Variants in PCDH15 observed in about 807,000 individuals in gnomAD.
The protein encoded by PCDH15 is protocadherin related 15, also known as protocadherin-15.
PCDH15 carries 129 observed loss-of-function variants against 178.5 expected under a neutral mutation model. The observed-to-expected ratio is 0.72, with a 90% CI of 0.63 to 0.84. PCDH15 has a LOEUF of 0.84. PCDH15 is among the 40% of genes least tolerant of loss of function. The probability of loss-of-function intolerance (pLI) is 0.00; values close to 1 mark genes in which losing one functional copy is unlikely to be tolerated. For synonymous variants in PCDH15, 800 were observed against 732.0 expected, an observed-to-expected ratio of 1.09 and a Z score of -1.50; for missense variants, 2,230 against 2,099.9, an observed-to-expected ratio of 1.06 and a Z score of -1.21.
At chr10:54,429,666 C>G (rs9415326) in intron 3 of PCDH15, among the ~76,000 whole-genome samples, 7,576 of 151,990 alleles carry the variant, frequency 0.05, 644 homozygotes, top group African/African-American at 0.17. Context: ...TAAAAACCAA[C>G]GAAAGAGCAG....
chr10:55,097,099 T>C (rs1034857863), intron 2 of PCDH15, among the ~76,000 whole-genome samples: 8 of 152,052 alleles, frequency 5.3e-5, no homozygotes, highest in Non-Finnish European at 1.0e-4. Flanking sequence ...AAAAAAGTTG[T>C]CAACTAGTGT....
intron 2 of PCDH15, among the ~76,000 whole-genome samples, chr10:55,579,284 C>T (rs943279060): frequency 1.3e-5 from 2 of 152,074 alleles, no homozygotes; most frequent in African/African-American, 4.8e-5. Context: ...GTACTTTAGA[C>T]GTTTCAGTAG....
At chr10:53,830,121 G>A (rs2076931959) in intron 30 of PCDH15, among the ~76,000 whole-genome samples, 1 of 152,032 alleles carries the variant, frequency 6.6e-6, no homozygotes. Flanking sequence ...GACCAACATG[G>A]TGAAACCCCG....
At chr10:54,297,133 G>A (rs2059847639) in intron 8 of PCDH15, among the ~76,000 whole-genome samples, 1 of 152,210 alleles carries the variant, frequency 6.6e-6, no homozygotes, top group African/African-American at 2.4e-5. Context: ...ATTCTGATCA[G>A]CAGGGTCCAG....
chr10:54,292,426 C>T (rs1006293316), intron 8 of PCDH15, among the ~76,000 whole-genome samples: 7 of 152,136 alleles, frequency 4.6e-5, no homozygotes, highest in African/African-American at 1.7e-4. Context: ...CAGGGATGTC[C>T]TCTCTCACCA....
chr10:55,209,827 A>G (rs1217310684), intron 1 of PCDH15, among the ~76,000 whole-genome samples: 1 of 152,112 alleles, frequency 6.6e-6, no homozygotes, highest in African/African-American at 2.4e-5. Context: ...ACTATGCTCA[A>G]AAAAGCGATC....
intron 14 of PCDH15, among the ~76,000 whole-genome samples, chr10:54,136,391 G>C (rs1292258177): frequency 1.4e-5 from 2 of 141,192 alleles, no homozygotes; most frequent in Non-Finnish European, 3.1e-5. Flanking sequence ...CTTCCTCACT[G>C]TTTAACATTT....
intron 2 of PCDH15, among the ~76,000 whole-genome samples, chr10:54,912,886 G>C (rs1412443998): frequency 6.6e-6 from 1 of 152,112 alleles, no homozygotes; most frequent in African/African-American, 2.4e-5. Flanking sequence ...GAACTTACTG[G>C]GAACTGGAGT....
intron 8 of PCDH15, among the ~76,000 whole-genome samples, chr10:54,301,763 T>C (rs975140918): frequency 1.3e-5 from 2 of 152,146 alleles, no homozygotes; most frequent in Non-Finnish European, 2.9e-5. Context: ...GCCAGCAACA[T>C]TCCTAGCATG....
intron 2 of PCDH15, among the ~76,000 whole-genome samples, chr10:55,427,944 G>T (rs1033212296): frequency 6.6e-6 from 1 of 151,960 alleles, no homozygotes; most frequent in Non-Finnish European, 1.5e-5. Context: ...AAAGAAAAAC[G>T]AGTTATTTGG....
rs369090221 is a variant in PCDH15 at position 54,001,222 on chromosome 10, G to A, written c.2752-5457C>T. ...TTCAATAAAAAAAGAAAGTTCGTGAGTAATAAGAAATCATCTGAAGATACA... is the reference window on the plus strand; with the variant it reads ...TTCAATAAAAAAAGAAAGTTCGTGAATAATAAGAAATCATCTGAAGATACA... On this transcript the variant is annotated intron_variant, in intron 20 of 37. Transcript: ENST00000644397. 2.0e-5 allele frequency among the ~76,000 whole-genome samples: 3 copies of A among 152,246 alleles called. No homozygotes were observed. The East Asian group carries it at 5.8e-4, about 29-fold the overall frequency.
chr10:55,163,340 G>A (rs2132115371), intron 2 of PCDH15, among the ~76,000 whole-genome samples: 1 of 152,234 alleles, frequency 6.6e-6, no homozygotes, highest in African/African-American at 2.4e-5. Flanking sequence ...GCTGATGCAT[G>A]TATACTCCAA....
intron 2 of PCDH15, among the ~76,000 whole-genome samples, chr10:55,600,700 G>A (rs1219660296): frequency 6.6e-6 from 1 of 152,102 alleles, no homozygotes; most frequent in African/African-American, 2.4e-5. Context: ...AGTATGAAAG[G>A]ATATGAGAAA....
intron 2 of PCDH15, chr10:55,600,050 T>C (rs1361200908): frequency 2.7e-5 from 28 of 1,031,258 alleles, no homozygotes; most frequent in East Asian, 6.0e-5. Context: ...GGCCCCAATG[T>C]ATCATCCCTG....
chr10:55,383,892 C>T (rs902902453), intron 2 of PCDH15, among the ~76,000 whole-genome samples: 2 of 152,076 alleles, frequency 1.3e-5, no homozygotes, highest in East Asian at 3.9e-4. Flanking sequence ...AGTGTGTATG[C>T]GTGAATTATC....
chr10:54,706,685 G>A (rs1445489398), intron 1 of PCDH15, among the ~76,000 whole-genome samples: 10 of 152,058 alleles, frequency 6.6e-5, no homozygotes, highest in African/African-American at 2.4e-4. Flanking sequence ...GTGCAGTGGC[G>A]CGATCTCGGC....
intron 21 of PCDH15, among the ~76,000 whole-genome samples, chr10:53,963,075 C>T (rs1018430880): frequency 6.6e-6 from 1 of 152,136 alleles, no homozygotes; most frequent in South Asian, 2.1e-4. Flanking sequence ...ACATTACCCC[C>T]CACAGGGTGT....
intron 2 of PCDH15, among the ~76,000 whole-genome samples, chr10:55,402,421 T>A (rs1467389429): frequency 6.6e-6 from 1 of 152,024 alleles, no homozygotes; most frequent in African/African-American, 2.4e-5. Flanking sequence ...TATGTTGTTT[T>A]CAACTGTAGT....
At chr10:53,976,864 G>C (rs994857441) in intron 21 of PCDH15, among the ~76,000 whole-genome samples, 1 of 151,496 alleles carries the variant, frequency 6.6e-6, no homozygotes, top group African/African-American at 2.4e-5. Context: ...TGTTTTATCT[G>C]AGTTATTTTC....
Sources: gnomAD v4.1 joint callset for allele counts (sites outside exome capture counted in the v4.1 genomes callset) on GRCh38, gnomAD v4.1.1 for gene constraint, MANE v1.5 for transcripts, NCBI Gene and HGNC (gene_info 2026-07-23, HGNC 2026-07-21) for gene names.